Variants in ARIH1 observed in about 807,000 individuals in gnomAD.
The protein encoded by ARIH1 is E3 ubiquitin-protein ligase ARIH1.
ARIH1 carries 8 observed loss-of-function variants against 85.0 expected under a neutral mutation model. That is an observed-to-expected ratio of 0.09 (90% CI 0.06 to 0.17). The LOEUF is 0.17. Ranked by LOEUF, ARIH1 falls within the 10% of genes least tolerant of loss-of-function variation. The pLI is 1.00. For missense variants in ARIH1, 311 were observed against 718.1 expected (o/e 0.43, Z 6.48); for synonymous variants, 238 against 253.6 (o/e 0.94, Z 0.59).
Position 72,582,243 on chromosome 15 carries a change from G to A in ARIH1, c.1589+56G>A, listed in dbSNP as rs2064298004. 5.0e-6 allele frequency: 6 copies of A among 1,202,618 alleles called. No individual in the cohort carries two copies. In the East Asian group the frequency reaches 1.4e-4, roughly 29 times the overall value. 74.5% of individuals were successfully genotyped at this position (1,202,618 alleles called of 1,614,324 possible). A position where few individuals can be genotyped will look rare whatever the true frequency, so the allele number is the denominator to read the frequency against. On this transcript the variant is annotated intron_variant, in intron 13 of 13. Coordinates refer to ENST00000379887, the MANE Select transcript of ARIH1 (RefSeq NM_005744.5). This position sits in a 1 kb window ranked among gnomAD's most constrained non-coding sequence, Gnocchi z 4.6. The stretch of plus-strand genomic sequence containing the variant: ...TTTCTGCCAGTGATGATCCTTACTG[G>A]TAAAGTTCAGTGATAGTGAAACTGG...
Position 72,572,120 on chromosome 15 carries a change from C to T in ARIH1, c.1170C>T (p.Asn390=). The T allele has an allele frequency of 6.2e-7, 1 of 1,606,800 alleles. No individual in the cohort carries two copies. The highest frequency in any genetic ancestry group is 8.5e-7 in the Non-Finnish European group (1 of 1,175,422). ...TATTTACTTGAAGGTACAACTGTAA[C>T]CGCTATAATGAGGATGATGCAAAGG... ...EPHGSAWYNC[N]RYNEDDAKAA... Residue 390 remains asparagine (N), a synonymous_variant, in exon 11 of 14, where the codon AAC becomes AAT. Coordinates refer to ENST00000379887, the MANE Select transcript of ARIH1 (RefSeq NM_005744.5).
intron 7 of ARIH1, among the ~76,000 whole-genome samples, chr15:72,563,772 T>C (rs1410810981): frequency 2.0e-5 from 3 of 152,208 alleles, no homozygotes; most frequent in Admixed American, 1.3e-4. Context: ...TATGCTCCAC[T>C]GTAACTTAAT....
At chr15:72,567,430 A>G (rs1213587568) in intron 9 of ARIH1, among the ~76,000 whole-genome samples, 1 of 152,086 alleles carries the variant, frequency 6.6e-6, no homozygotes, top group Non-Finnish European at 1.5e-5. Flanking sequence ...AAAAAAAATT[A>G]GTGTTCTGTA....
chr15:72,589,382 CA>C lies in ARIH1; in HGVS notation c.*6094del. 6.6e-6 allele frequency: 1 copy of C among 152,230 alleles called. No homozygotes were observed. Among genetic ancestry groups the C allele is most frequent in the Middle Eastern group, 3.4e-3 (1 of 294 alleles). 9.4% of individuals were successfully genotyped at this position (152,230 alleles called of 1,614,324 possible). A position where few individuals can be genotyped will look rare whatever the true frequency, so the allele number is the denominator to read the frequency against. On this transcript the variant is annotated 3_prime_UTR_variant, in exon 14 of 14. Coordinates refer to ENST00000379887, the MANE Select transcript of ARIH1 (RefSeq NM_005744.5). ...ATAAGCACACCAGTGCTAACTTGGG[CA>C]AAAGATAAGGATACAGAGCTGTCTC...
At chr15:72,486,807 C>T (rs2063839424) in intron 1 of ARIH1, among the ~76,000 whole-genome samples, 1 of 146,822 alleles carries the variant, frequency 6.8e-6, no homozygotes, top group Admixed American at 7.1e-5. Context: ...GATTATCGTG[C>T]CTCAGCCTCC....
intron 3 of ARIH1, among the ~76,000 whole-genome samples, chr15:72,550,172 T>C (rs1359574152): frequency 6.6e-6 from 1 of 152,244 alleles, no homozygotes; most frequent in Admixed American, 6.5e-5. Context: ...TCTTGTTATC[T>C]GATTAGAGAA....
At chr15:72,496,151 A>G (rs2063879254) in intron 1 of ARIH1, among the ~76,000 whole-genome samples, 1 of 152,130 alleles carries the variant, frequency 6.6e-6, no homozygotes, top group East Asian at 1.9e-4. Context: ...CAGTCCTCCC[A>G]CTTCAGCCTA....
At chr15:72,502,024 GATGCA>G (rs1437948765) in intron 1 of ARIH1, among the ~76,000 whole-genome samples, 1 of 152,142 alleles carries the variant, frequency 6.6e-6, no homozygotes, top group Admixed American at 6.5e-5. Flanking sequence ...CTTGTCTCTT[GATGCA>G]AAGTCATAGA....
intron 1 of ARIH1, among the ~76,000 whole-genome samples, chr15:72,476,554 C>T (rs1349775732): frequency 1.3e-5 from 2 of 151,700 alleles, no homozygotes; most frequent in African/African-American, 2.4e-5. Flanking sequence ...TTAGTAGAGA[C>T]GGGTTTCACC....
At chr15:72,527,460 G>A (rs1367912133) in intron 2 of ARIH1, among the ~76,000 whole-genome samples, 1 of 151,988 alleles carries the variant, frequency 6.6e-6, no homozygotes, top group Admixed American at 6.6e-5. Context: ...TCTCTCACCT[G>A]GAGGGATGGG....
At chr15:72,480,890 A>G (rs2063814054) in intron 1 of ARIH1, among the ~76,000 whole-genome samples, 1 of 152,152 alleles carries the variant, frequency 6.6e-6, no homozygotes, top group Non-Finnish European at 1.5e-5. Context: ...GGGACTGAAA[A>G]TGAGGGAGTT....
chr15:72,525,440 T>C (rs1019385708), intron 2 of ARIH1, among the ~76,000 whole-genome samples: 4 of 152,186 alleles, frequency 2.6e-5, no homozygotes, highest in African/African-American at 9.6e-5. Flanking sequence ...AAAATTATAG[T>C]TAATGTTGAA....
chr15:72,547,836 TCTTAA>T (rs1450162403), intron 3 of ARIH1, among the ~76,000 whole-genome samples: 2 of 152,300 alleles, frequency 1.3e-5, no homozygotes, highest in East Asian at 3.9e-4. Flanking sequence ...GACAGTTCCT[TCTTAA>T]CTTAAATCTT....
chr15:72,571,593 A>G (rs980517093), intron 10 of ARIH1, among the ~76,000 whole-genome samples: 1 of 152,140 alleles, frequency 6.6e-6, no homozygotes, highest in Admixed American at 6.5e-5. Context: ...AGCAAAGCAC[A>G]TAGCACAGCA....
intron 1 of ARIH1, among the ~76,000 whole-genome samples, chr15:72,485,180 A>G (rs141772873): frequency 3.3e-5 from 5 of 152,332 alleles, no homozygotes; most frequent in East Asian, 1.9e-4. Context: ...TTTTTTCTAC[A>G]GTGGTAACAT....
intron 2 of ARIH1, among the ~76,000 whole-genome samples, chr15:72,524,110 C>T (rs538373436): frequency 2.6e-5 from 4 of 151,796 alleles, no homozygotes; most frequent in Admixed American, 1.3e-4. Flanking sequence ...CCATGCCTGG[C>T]GAATTTTTTT....
intron 1 of ARIH1, among the ~76,000 whole-genome samples, chr15:72,488,937 G>A (rs1239211402): frequency 6.6e-6 from 1 of 152,168 alleles, no homozygotes; most frequent in African/African-American, 2.4e-5. Context: ...CTGACACAGT[G>A]ATGATGTTAA....
At position 72,597,047 on chromosome 15, in the gene ARIH1, C is replaced by T. The variant is rs1227822274; in HGVS notation, c.*13755C>T. The stretch of plus-strand genomic sequence containing the variant: ...CTATTGAGCCCTTCCTCTCCCTTAC[C>T]ATGAATCTTATTTTCTTGCTTTTGC... On this transcript the variant is annotated 3_prime_UTR_variant, in exon 14 of 14. Coordinates refer to ENST00000379887, the MANE Select transcript of ARIH1 (RefSeq NM_005744.5). 6.6e-6 allele frequency: 1 copy of T among 151,708 alleles called. No individual in the cohort carries two copies. Among genetic ancestry groups the T allele is most frequent in the Non-Finnish European group, 1.5e-5 (1 of 67,950 alleles). The allele number at this position is 151,708 out of a possible 1,614,324, so 9.4% of individuals were successfully genotyped here.
intron 11 of ARIH1, among the ~76,000 whole-genome samples, chr15:72,577,538 T>C (rs1460175004): frequency 6.6e-6 from 1 of 151,864 alleles, no homozygotes. Flanking sequence ...CTGGGCGTGG[T>C]AGCAGGCGCC....
Sources: gnomAD v4.1 joint callset for allele counts (sites outside exome capture counted in the v4.1 genomes callset) on GRCh38, gnomAD v4.1.1 for gene constraint, Gnocchi (gnomAD v3.1) non-coding constraint, MANE v1.5 for transcripts, NCBI Gene and HGNC (gene_info 2026-07-23, HGNC 2026-07-21) for gene names.